MAD1L1: variants seen among roughly 807,000 people sequenced by gnomAD.
MAD1L1 encodes the protein mitotic arrest deficient 1 like 1.
MAD1L1 carries 95 observed loss-of-function variants against 96.9 expected under a neutral mutation model. The ratio of observed to expected loss-of-function variants is 0.98; its 90% CI spans 0.83 to 1.16. The LOEUF is 1.16. Ranked by LOEUF, MAD1L1 falls within the 50% of genes most tolerant of loss-of-function variation. The probability of loss-of-function intolerance (pLI) is 0.00; values close to 1 mark genes in which losing one functional copy is unlikely to be tolerated. For missense variants in MAD1L1, 1,007 were observed against 954.4 expected, an observed-to-expected ratio of 1.06 and a Z score of -0.73; for synonymous variants, 473 against 396.6, an observed-to-expected ratio of 1.19 and a Z score of -2.29.
At chr7:2,054,417 G>A (rs575138512) in intron 12 of MAD1L1, among the ~76,000 whole-genome samples, 1 of 152,054 alleles carries the variant, frequency 6.6e-6, no homozygotes, top group African/African-American at 2.4e-5. Flanking sequence ...TGATTTCACC[G>A]TATTTCCTAA....
chr7:1,849,690 G>C (rs1783857480), intron 18 of MAD1L1: 2 of 152,228 alleles, frequency 1.3e-5, no homozygotes, highest in African/African-American at 4.8e-5. Context: ...CTGGGCTAAA[G>C]GTGGAACCCC....
chr7:2,166,805 C>T (rs1790451079), intron 10 of MAD1L1, among the ~76,000 whole-genome samples: 2 of 152,306 alleles, frequency 1.3e-5, no homozygotes, highest in South Asian at 4.1e-4. Flanking sequence ...GCAGGGCCTC[C>T]ATCATCATGC....
chr7:1,939,696 C>T (rs1411758529), intron 16 of MAD1L1, among the ~76,000 whole-genome samples: 1 of 152,248 alleles, frequency 6.6e-6, no homozygotes, highest in Non-Finnish European at 1.5e-5. Context: ...ATCCTGTGTT[C>T]AGATCACCCC....
rs567999827 is a variant in MAD1L1 at position 2,064,045 on chromosome 7, G to C, written c.1218+5149C>G. 5.9e-5 allele frequency among the ~76,000 whole-genome samples: 9 copies of C among 152,264 alleles called. No homozygotes were observed. In the South Asian group the frequency reaches 1.9e-3, roughly 32 times the overall value. ...GCAGGCCGGCTCCACAGATGACACT[G>C]AGCTTCAGCAAGGAACACGCATGTC... is the stretch of plus-strand genomic sequence containing the variant. On this transcript the variant is annotated intron_variant, in intron 12 of 18. Coordinates refer to ENST00000265854, the MANE Select transcript of MAD1L1 (RefSeq NM_001013836.2).
intron 11 of MAD1L1, among the ~76,000 whole-genome samples, chr7:2,093,796 G>A (rs1335340687): frequency 2.0e-5 from 3 of 152,196 alleles, no homozygotes; most frequent in African/African-American, 7.2e-5. Context: ...TCAGCCAGAG[G>A]AGCACGGAAC....
intron 12 of MAD1L1, among the ~76,000 whole-genome samples, chr7:2,055,807 C>T (rs568930513): frequency 3.9e-5 from 6 of 151,916 alleles, no homozygotes; most frequent in African/African-American, 9.7e-5. Context: ...GGCAAAACCC[C>T]GTCTCTACTA....
Position 2,024,799 on chromosome 7 carries a change from A to G in MAD1L1, c.1219-10157T>C, listed in dbSNP as rs546470784. On this transcript the variant is annotated intron_variant, in intron 12 of 18. Coordinates refer to ENST00000265854, the MANE Select transcript of MAD1L1 (RefSeq NM_001013836.2). The stretch of plus-strand genomic sequence containing the variant: ...ACAGGCTGTATCTATGAAAGAAATT[A>G]AGTTGATCACTAATAACCTCCCAAA... Among the ~76,000 whole-genome samples the G allele has an allele frequency of 3.0e-4, 45 of 152,318 alleles. 1 individual carries two copies. In the South Asian group the frequency reaches 3.5e-3, roughly 12 times the overall value.
In MAD1L1 at chr7:1,935,573, A is replaced by G. The variant is rs945712056; in HGVS notation, c.1807+1114T>C. Reference sequence around the variant, plus strand: ...AGACCCCACCTAAGACCCTCCCCACAAAGGAGCGGGGCAGAGGACAATCAC... The same window carrying G: ...AGACCCCACCTAAGACCCTCCCCACGAAGGAGCGGGGCAGAGGACAATCAC... On this transcript the variant is annotated intron_variant, in intron 17 of 18. Coordinates refer to ENST00000265854, the MANE Select transcript of MAD1L1 (RefSeq NM_001013836.2). 3.9e-5 allele frequency among the ~76,000 whole-genome samples: 6 copies of G among 152,162 alleles called. No individual in the cohort carries two copies. The East Asian group carries it at 5.8e-4, about 15-fold the overall frequency.
At chr7:1,996,461 C>T (rs1781567503) in intron 14 of MAD1L1, among the ~76,000 whole-genome samples, 1 of 152,244 alleles carries the variant, frequency 6.6e-6, no homozygotes, top group South Asian at 2.1e-4. Flanking sequence ...CAGGCTCCTG[C>T]ACAGGAGACC....
chr7:2,050,271 C>A (rs149271413), intron 12 of MAD1L1, among the ~76,000 whole-genome samples: 3 of 152,344 alleles, frequency 2.0e-5, no homozygotes, highest in Admixed American at 6.5e-5. Context: ...TGCACTCCTA[C>A]GAGAGCTAAG....
At chr7:2,159,071 T>G (rs951731562) in intron 10 of MAD1L1, among the ~76,000 whole-genome samples, 23 of 152,178 alleles carry the variant, frequency 1.5e-4, no homozygotes, top group African/African-American at 5.5e-4. Context: ...AAGGTCACTC[T>G]TACCCCATGG....
intron 18 of MAD1L1, among the ~76,000 whole-genome samples, chr7:1,836,990 G>C (rs1254007781): frequency 6.6e-6 from 1 of 152,176 alleles, no homozygotes; most frequent in Non-Finnish European, 1.5e-5. Context: ...AATTAGAAAT[G>C]TCTGCTCTTC....
At chr7:1,818,446 T>G (rs1464683157) in intron 18 of MAD1L1, among the ~76,000 whole-genome samples, 4 of 152,134 alleles carry the variant, frequency 2.6e-5, no homozygotes, top group African/African-American at 4.8e-5. Flanking sequence ...TGCAGTGGCA[T>G]GATAACGGGT....
chr7:2,098,917 A>G (rs960903734), intron 11 of MAD1L1, among the ~76,000 whole-genome samples: 2 of 152,234 alleles, frequency 1.3e-5, no homozygotes, highest in Admixed American at 6.5e-5. Context: ...CTGGACCTCA[A>G]AGGCTGAGCT....
chr7:2,161,034 G>C (rs1036837542), intron 10 of MAD1L1, among the ~76,000 whole-genome samples: 2 of 141,430 alleles, frequency 1.4e-5, no homozygotes, highest in Non-Finnish European at 3.1e-5. Context: ...CAAATAACTG[G>C]CACTATAAAT....
chr7:1,973,821 C>T (rs1251534118), intron 15 of MAD1L1, among the ~76,000 whole-genome samples: 1 of 152,182 alleles, frequency 6.6e-6, no homozygotes, highest in Non-Finnish European at 1.5e-5. Flanking sequence ...GGCAACACTA[C>T]TGGACCAGAG....
chr7:1,824,964 ACT>A (rs1044901339), intron 18 of MAD1L1, among the ~76,000 whole-genome samples: 1 of 151,216 alleles, frequency 6.6e-6, no homozygotes, highest in African/African-American at 2.4e-5. Flanking sequence ...CACGACACAC[ACT>A]CTCACACCCA....
intron 14 of MAD1L1, 153 bp from the exon 15 acceptor site, chr7:1,980,694 G>A (rs1210302194): frequency 2.8e-6 from 2 of 717,754 alleles, no homozygotes; most frequent in South Asian, 3.0e-5. Flanking sequence ...GCCTGAAGCT[G>A]CCAGGCCAGA....
At chr7:2,139,824 G>A (rs1460615878) in intron 11 of MAD1L1, among the ~76,000 whole-genome samples, 3 of 152,318 alleles carry the variant, frequency 2.0e-5, no homozygotes, top group Middle Eastern at 3.4e-3. Context: ...GGTTTTGTGG[G>A]TGGTTTAGGC....
Sources: gnomAD v4.1 joint callset for allele counts (sites outside exome capture counted in the v4.1 genomes callset) on GRCh38, gnomAD v4.1.1 for gene constraint, MANE v1.5 for transcripts, NCBI Gene and HGNC (gene_info 2026-07-23, HGNC 2026-07-21) for gene names.